DNAH14: variants seen among roughly 807,000 people sequenced by gnomAD.
DNAH14 encodes dynein axonemal heavy chain 14.
DNAH14 carries 478 observed loss-of-function variants against 520.9 expected under a neutral mutation model. That is an observed-to-expected ratio of 0.92 (90% CI 0.85 to 0.99). DNAH14 has a LOEUF of 0.99. Among genes scored for constraint, DNAH14 ranks in the 50% least tolerant of loss-of-function variants. DNAH14 has a pLI of 0.00. For missense variants in DNAH14, 4,831 were observed against 5,234.5 expected (o/e 0.92, Z 2.38); for synonymous variants, 1,581 against 1,757.2 (o/e 0.90, Z 2.51).
intron 55 of DNAH14, among the ~76,000 whole-genome samples, chr1:225,295,059 A>G (rs1042079125): frequency 1.3e-5 from 2 of 152,144 alleles, no homozygotes; most frequent in Non-Finnish European, 2.9e-5. Flanking sequence ...TGCTGTTCAT[A>G]ATAGTCTCTA....
intron 68 of DNAH14, 109 bp from the exon 69 acceptor site, chr1:225,340,348 A>G (rs2095153166): frequency 8.3e-7 from 1 of 1,200,906 alleles, no homozygotes; most frequent in African/African-American, 1.6e-5. Context: ...GAAAAACACT[A>G]AAAATCTTGT....
intron 65 of DNAH14, among the ~76,000 whole-genome samples, chr1:225,331,807 G>A (rs1340250360): frequency 6.6e-6 from 1 of 152,158 alleles, no homozygotes; most frequent in African/African-American, 2.4e-5. Flanking sequence ...CTGTTCTGAA[G>A]ACATCAGCAC....
At chr1:225,394,859 A>AT (rs2095984115) in intron 84 of DNAH14, among the ~76,000 whole-genome samples, 1 of 149,292 alleles carries the variant, frequency 6.7e-6, no homozygotes, top group African/African-American at 2.5e-5. Context: ...AAAAAAAAAA[A>AT]GGAGAATTGA....
chr1:225,314,428 A>G (rs1202078853), intron 60 of DNAH14, among the ~76,000 whole-genome samples: 1 of 152,204 alleles, frequency 6.6e-6, no homozygotes, highest in Non-Finnish European at 1.5e-5. Flanking sequence ...CATTTAGCCC[A>G]TTTACATTTA....
At chr1:225,338,523 A>G (rs1389175747) in intron 68 of DNAH14, among the ~76,000 whole-genome samples, 1 of 152,060 alleles carries the variant, frequency 6.6e-6, no homozygotes, top group Non-Finnish European at 1.5e-5. Flanking sequence ...TGGGCGAGAA[A>G]AGTTTCTGCC....
At position 224,969,599 on chromosome 1, in the gene DNAH14, G is replaced by A. The variant is rs183172762; in HGVS notation, c.767+725G>A. ...ATTTTCACATTGAGTAGGCTGAGGAGGTGGAGGAAAAGTAGAGGTTGGTTT... is the reference window on the plus strand; with the variant it reads ...ATTTTCACATTGAGTAGGCTGAGGAAGTGGAGGAAAAGTAGAGGTTGGTTT... On this transcript the variant is annotated intron_variant, in intron 7 of 85. Coordinates refer to ENST00000682510, the MANE Select transcript of DNAH14 (RefSeq NM_001367479.1). 121 of 242,658 alleles carry A rather than the reference G, an allele frequency of 5.0e-4. 1 individual carries two copies. The highest frequency in any genetic ancestry group is 2.5e-3 in the African/African-American group (108 of 42,708). 15.0% of individuals were successfully genotyped at this position (242,658 alleles called of 1,614,324 possible).
chr1:225,358,514 G>C lies in DNAH14; in HGVS notation c.11638G>C (p.Glu3880Gln), dbSNP rs1450771224. The change falls in exon 74 of 86, where the codon GAA (glutamate) becomes CAA (glutamine). Residue 3880 changes from glutamate (E) to glutamine (Q), a missense_variant. Coordinates refer to ENST00000682510, the MANE Select transcript of DNAH14 (RefSeq NM_001367479.1). ...RLILVKVLRPESLNNSVRKFI... is the reference protein window; with the variant it reads ...RLILVKVLRPQSLNNSVRKFI... ...TTTTTAGGTAAAAGTTCTTAGACCAGAAAGTTTAAACAATTCAGTGAGAAA... is the reference window on the plus strand; with the variant it reads ...TTTTTAGGTAAAAGTTCTTAGACCACAAAGTTTAAACAATTCAGTGAGAAA... 1.4e-5 allele frequency: 21 copies of C among 1,522,662 alleles called. No homozygotes were observed. Among genetic ancestry groups the C allele is most frequent in the Non-Finnish European group, 1.8e-5 (21 of 1,136,636 alleles). 94.3% of individuals were successfully genotyped at this position (1,522,662 alleles called of 1,614,324 possible). A position where few individuals can be genotyped will look rare whatever the true frequency, so the allele number is the denominator to read the frequency against.
intron 46 of DNAH14, among the ~76,000 whole-genome samples, chr1:225,263,629 A>G (rs2093015047): frequency 6.6e-6 from 1 of 152,094 alleles, no homozygotes; most frequent in Non-Finnish European, 1.5e-5. Context: ...ATTTTGGAAT[A>G]GAATCCTACT....
chr1:225,067,471 T>C (rs3128641), intron 17 of DNAH14, among the ~76,000 whole-genome samples: 152,112 of 152,236 alleles, frequency 1, 75,994 homozygotes, highest in Middle Eastern at 1. Context: ...TATTCCTTTG[T>C]GCATATACCC....
chr1:225,291,091 C>T (rs1402366027), intron 55 of DNAH14, among the ~76,000 whole-genome samples: 1 of 152,054 alleles, frequency 6.6e-6, no homozygotes, highest in Non-Finnish European at 1.5e-5. Context: ...GTGAGATCCA[C>T]TTGTTTTTAA....
At chr1:225,165,087 C>A (rs969359129) in intron 35 of DNAH14, among the ~76,000 whole-genome samples, 1 of 151,910 alleles carries the variant, frequency 6.6e-6, no homozygotes, top group Admixed American at 6.6e-5. Flanking sequence ...TTTTGATATA[C>A]CCTCATATCT....
chr1:225,127,616 T>G (rs1308894442), intron 27 of DNAH14, among the ~76,000 whole-genome samples: 2 of 152,182 alleles, frequency 1.3e-5, no homozygotes, highest in African/African-American at 2.4e-5. Flanking sequence ...GCACGTGAGA[T>G]GGGTTTCCTG....
At chr1:224,935,295 C>CT (rs2058957160) in intron 1 of DNAH14, among the ~76,000 whole-genome samples, 1 of 151,814 alleles carries the variant, frequency 6.6e-6, no homozygotes, top group African/African-American at 2.4e-5. Flanking sequence ...TATAGAATAG[C>CT]TGAATGGATT....
intron 41 of DNAH14, among the ~76,000 whole-genome samples, chr1:225,209,218 T>C (rs1411730105): frequency 6.6e-6 from 1 of 152,212 alleles, no homozygotes; most frequent in Non-Finnish European, 1.5e-5. Context: ...TATACAGTAG[T>C]TATACCTGGA....
intron 55 of DNAH14, among the ~76,000 whole-genome samples, chr1:225,295,793 T>C (rs1383365759): frequency 6.6e-6 from 1 of 152,182 alleles, no homozygotes; most frequent in African/African-American, 2.4e-5. Context: ...TTAAATCTGA[T>C]GTTTGCTGAT....
chr1:225,073,997 T>G (rs1572877136), intron 17 of DNAH14, among the ~76,000 whole-genome samples: 1 of 125,700 alleles, frequency 8.0e-6, no homozygotes, highest in Non-Finnish European at 1.7e-5. Flanking sequence ...GGAAGTTTTT[T>G]TTTTTTTTTT....
intron 27 of DNAH14, among the ~76,000 whole-genome samples, chr1:225,130,394 C>G (rs917742594): frequency 6.6e-6 from 1 of 151,842 alleles, no homozygotes; most frequent in Non-Finnish European, 1.5e-5. Context: ...GCACTAGTCA[C>G]AATAGCAAAG....
intron 41 of DNAH14, among the ~76,000 whole-genome samples, chr1:225,229,422 A>T (rs181713353): frequency 2.0e-5 from 3 of 152,348 alleles, no homozygotes; most frequent in African/African-American, 7.2e-5. Flanking sequence ...TACTGGGTAT[A>T]TACCCAAAGG....
At chr1:225,360,336 C>T (rs550681096) in intron 74 of DNAH14, among the ~76,000 whole-genome samples, 4 of 152,328 alleles carry the variant, frequency 2.6e-5, no homozygotes, top group African/African-American at 9.6e-5. Context: ...AAATCTATCA[C>T]AAAACCTAGA....
Sources: allele counts gnomAD v4.1 joint callset (sites outside exome capture counted in the v4.1 genomes callset), GRCh38; gene constraint gnomAD v4.1.1; transcripts MANE v1.5; gene names NCBI Gene and HGNC (gene_info 2026-07-23, HGNC 2026-07-21).